Variants in LYPD6B observed in about 807,000 individuals in gnomAD.
LYPD6B encodes ly6/PLAUR domain-containing protein 6B.
A neutral mutation model predicts 22.8 loss-of-function variants in LYPD6B; 17 were observed. The observed-to-expected ratio is 0.75, with a 90% CI of 0.51 to 1.12. The LOEUF (loss-of-function observed/expected upper bound fraction) is 1.12, where lower values mean the gene tolerates loss of function less well. LYPD6B is among the 50% of genes most tolerant of loss of function. LYPD6B has a pLI of 0.00. For synonymous variants in LYPD6B, 106 were observed against 91.6 expected, an observed-to-expected ratio of 1.16 and a Z score of -0.90; for missense variants, 221 against 258.3, an observed-to-expected ratio of 0.86 and a Z score of 0.99.
chr2:149,209,528 T>G (rs918539018), intron 5 of LYPD6B, among the ~76,000 whole-genome samples: 1 of 152,118 alleles, frequency 6.6e-6, no homozygotes, highest in Non-Finnish European at 1.5e-5. Context: ...AAAAAAAAAC[T>G]CTTACAGAAT....
Position 149,064,661 on chromosome 2 carries a change from G to A in LYPD6B, c.-67+25860G>A, listed in dbSNP as rs546988772. On this transcript the variant is annotated intron_variant, in intron 1 of 6. Coordinates refer to ENST00000409642, the MANE Select transcript of LYPD6B (RefSeq NM_177964.5). ...TTAACAGTAGATAAACATTAGAACC[G>A]GCAGCTCCAGAATTCCCACTGCATG... 2.4e-3 allele frequency among the ~76,000 whole-genome samples: 360 copies of A among 152,264 alleles called. 2 individuals are homozygous for A. The highest frequency in any genetic ancestry group is 8.1e-3 in the African/African-American group (338 of 41,558).
At chr2:149,172,707 G>T (rs1489333267) in intron 3 of LYPD6B, among the ~76,000 whole-genome samples, 1 of 152,076 alleles carries the variant, frequency 6.6e-6, no homozygotes, top group Non-Finnish European at 1.5e-5. Flanking sequence ...TTGGTAGATG[G>T]CCCTCTTCTA....
chr2:149,063,041 A>G (rs1485899305), intron 1 of LYPD6B, among the ~76,000 whole-genome samples: 1 of 151,624 alleles, frequency 6.6e-6, no homozygotes, highest in South Asian at 2.1e-4. Flanking sequence ...TTCCTTCCCT[A>G]TTAAGCACAG....
chr2:149,102,725 GT>G (rs1237624220), intron 1 of LYPD6B, among the ~76,000 whole-genome samples: 1 of 152,164 alleles, frequency 6.6e-6, no homozygotes, highest in Non-Finnish European at 1.5e-5. Context: ...CACCTCCTGG[GT>G]TGAAGCGATT....
intron 2 of LYPD6B, among the ~76,000 whole-genome samples, chr2:149,147,137 A>G (rs754914966): frequency 9.2e-5 from 14 of 152,114 alleles, no homozygotes; most frequent in Non-Finnish European, 1.9e-4. Context: ...GCTTTGCCCA[A>G]GGCCCTGATG....
intron 1 of LYPD6B, among the ~76,000 whole-genome samples, chr2:149,120,362 T>TATATAC (rs375411473): frequency 3.5e-5 from 1 of 28,254 alleles, no homozygotes; most frequent in African/African-American, 2.8e-4. Context: ...TGTGTGTGTG[T>TATATAC]ATATATATAT....
chr2:149,188,354 T>C (rs546282260), intron 3 of LYPD6B, among the ~76,000 whole-genome samples: 23 of 152,244 alleles, frequency 1.5e-4, no homozygotes, highest in African/African-American at 5.3e-4. Flanking sequence ...TTCTAAACTC[T>C]CTTGTCAAGC....
intron 2 of LYPD6B, among the ~76,000 whole-genome samples, chr2:149,139,220 G>T (rs1688542772): frequency 6.6e-6 from 1 of 152,146 alleles, no homozygotes; most frequent in Non-Finnish European, 1.5e-5. Context: ...GCCCTGGAAG[G>T]GGAGAGCATG....
intron 3 of LYPD6B, 44 bp from the exon 4 acceptor site, chr2:149,205,209 T>A: frequency 6.4e-7 from 1 of 1,564,380 alleles, no homozygotes; most frequent in Non-Finnish European, 8.6e-7. Context: ...AACCCACTGA[T>A]GTAAAATATA....
intron 3 of LYPD6B, among the ~76,000 whole-genome samples, chr2:149,178,245 A>G (rs1691458720): frequency 6.6e-6 from 1 of 152,218 alleles, no homozygotes; most frequent in Admixed American, 6.5e-5. Context: ...ATGTGGATTC[A>G]GCATATAGAC....
At chr2:149,068,144 G>A (rs1246860621) in intron 1 of LYPD6B, among the ~76,000 whole-genome samples, 1 of 152,146 alleles carries the variant, frequency 6.6e-6, no homozygotes, top group Non-Finnish European at 1.5e-5. Context: ...TTTAACCTTT[G>A]TAGAATAACT....
intron 6 of LYPD6B, 56 bp from the exon 7 acceptor site, chr2:149,214,490 T>C (rs1221851780): frequency 1.3e-6 from 2 of 1,553,280 alleles, no homozygotes; most frequent in Non-Finnish European, 1.8e-6. Context: ...TTCTTTCTTT[T>C]GCCCCTTCCC....
intron 5 of LYPD6B, among the ~76,000 whole-genome samples, chr2:149,209,313 T>G (rs1693697011): frequency 6.6e-6 from 1 of 152,094 alleles, no homozygotes; most frequent in Non-Finnish European, 1.5e-5. Context: ...ACTCTCATCT[T>G]CAGACAGAAG....
intron 3 of LYPD6B, among the ~76,000 whole-genome samples, chr2:149,169,993 T>C (rs1388438666): frequency 6.6e-6 from 1 of 152,212 alleles, no homozygotes; most frequent in Non-Finnish European, 1.5e-5. Flanking sequence ...TTTAGTAATA[T>C]GAATTATATA....
intron 1 of LYPD6B, among the ~76,000 whole-genome samples, chr2:149,125,602 A>G (rs1339556408): frequency 6.6e-6 from 1 of 152,098 alleles, no homozygotes; most frequent in East Asian, 1.9e-4. Context: ...ACTTTCTCCC[A>G]CTGTGAATAA....
At chr2:149,176,111 G>A (rs1350548604) in intron 3 of LYPD6B, among the ~76,000 whole-genome samples, 1 of 152,166 alleles carries the variant, frequency 6.6e-6, no homozygotes, top group Non-Finnish European at 1.5e-5. Context: ...CAGTAAGTTT[G>A]TTTACACCAG....
intron 3 of LYPD6B, among the ~76,000 whole-genome samples, chr2:149,198,156 C>T (rs1474469919): frequency 6.6e-6 from 1 of 152,050 alleles, no homozygotes; most frequent in African/African-American, 2.4e-5. Flanking sequence ...GATTCTCCTG[C>T]CTCAGCCTCC....
chr2:149,072,154 A>G (rs566827923), intron 1 of LYPD6B, among the ~76,000 whole-genome samples: 41 of 151,818 alleles, frequency 2.7e-4, no homozygotes, highest in Non-Finnish European at 2.9e-4. Flanking sequence ...CTGGTCTTGA[A>G]CTCCTGATCT....
At chr2:149,098,046 G>A (rs1387819386) in intron 1 of LYPD6B, among the ~76,000 whole-genome samples, 2 of 151,940 alleles carry the variant, frequency 1.3e-5, no homozygotes, top group Admixed American at 6.6e-5. Flanking sequence ...AATAAAAATT[G>A]TGAATAATTA....
Sources: gnomAD v4.1 joint callset for allele counts (sites outside exome capture counted in the v4.1 genomes callset) on GRCh38, gnomAD v4.1.1 for gene constraint, MANE v1.5 for transcripts, NCBI Gene and HGNC (gene_info 2026-07-23, HGNC 2026-07-21) for gene names.